FAM20B: variants seen among roughly 807,000 people sequenced by gnomAD.
FAM20B encodes the protein FAM20B glycosaminoglycan xylosylkinase, also known as glycosaminoglycan xylosylkinase.
FAM20B carries 23 observed loss-of-function variants against 43.8 expected under a neutral mutation model. That is an observed-to-expected ratio of 0.53 (90% CI 0.38 to 0.74). The LOEUF (loss-of-function observed/expected upper bound fraction) is 0.74, where lower values mean the gene tolerates loss of function less well. Ranked by LOEUF, FAM20B falls within the 30% of genes least tolerant of loss-of-function variation. FAM20B has a pLI of 0.00. For missense variants in FAM20B, 440 were observed against 510.5 expected, an observed-to-expected ratio of 0.86 and a Z score of 1.33; for synonymous variants, 178 against 192.4, an observed-to-expected ratio of 0.93 and a Z score of 0.62.
At chr1:179,049,838 G>C (rs1650927214) in intron 2 of FAM20B, among the ~76,000 whole-genome samples, 1 of 152,178 alleles carries the variant, frequency 6.6e-6, no homozygotes, top group South Asian at 2.1e-4. Flanking sequence ...CACCGTGCCT[G>C]GCCAGCAAAA....
upstream of FAM20B, among the ~76,000 whole-genome samples, chr1:179,023,027 C>G (rs1649632827): frequency 2.0e-5 from 3 of 152,174 alleles, no homozygotes; most frequent in Non-Finnish European, 2.9e-5. Context: ...AAGTGAGCCC[C>G]TTAGGTTGGA....
chr1:179,038,596 T>C (rs1650350844), intron 1 of FAM20B, among the ~76,000 whole-genome samples: 1 of 152,198 alleles, frequency 6.6e-6, no homozygotes, highest in Admixed American at 6.5e-5. Context: ...CATATTGCCT[T>C]TTATCTCTGC....
chr1:179,064,511 A>T lies in FAM20B; in HGVS notation c.938+15A>T. Reference sequence around the variant, plus strand: ...AATGCCAAAAGGTGAGACCAGCAGGACTGTCCTTGTCAGGGAGGGGTTTCT... The same window carrying T: ...AATGCCAAAAGGTGAGACCAGCAGGTCTGTCCTTGTCAGGGAGGGGTTTCT... On this transcript the variant is annotated intron_variant, in intron 6 of 7. Transcript: ENST00000263733. 6.3e-7 allele frequency: 1 copy of T among 1,598,410 alleles called. No individual in the cohort carries two copies. Among genetic ancestry groups the T allele is most frequent in the Non-Finnish European group, 8.6e-7 (1 of 1,167,386 alleles).
chr1:179,035,959 G>A (rs1281478699), intron 1 of FAM20B, among the ~76,000 whole-genome samples: 2 of 151,950 alleles, frequency 1.3e-5, no homozygotes, highest in Admixed American at 6.6e-5. Context: ...GAGAAACCCC[G>A]TCTCTACTAA....
intron 4 of FAM20B, among the ~76,000 whole-genome samples, chr1:179,055,398 CT>C (rs1056488406): frequency 2.0e-5 from 3 of 151,790 alleles, no homozygotes; most frequent in Non-Finnish European, 4.4e-5. Context: ...CTTCACCTTG[CT>C]TTTTTTTGCT....
intron 4 of FAM20B, among the ~76,000 whole-genome samples, chr1:179,059,005 A>C (rs373335161): frequency 6.6e-6 from 1 of 152,176 alleles, no homozygotes; most frequent in East Asian, 1.9e-4. Context: ...AAAGATAATG[A>C]ATTTAATCTT....
chr1:179,038,608 G>A (rs529999892), intron 1 of FAM20B, among the ~76,000 whole-genome samples: 2 of 152,310 alleles, frequency 1.3e-5, no homozygotes, highest in South Asian at 4.1e-4. Flanking sequence ...TATCTCTGCA[G>A]CCTGAGAAGT....
rs1335465883 is a variant in FAM20B at position 179,026,051 on chromosome 1, C to CGCACT, written c.-177_-176insTGCAC. ...GCGGCGGGGGCGGCCGGGGCCGCGCCGCACCGCACCGCGCGGGCGGCCATG... is the reference window on the plus strand; with the variant it reads ...GCGGCGGGGGCGGCCGGGGCCGCGCCGCACTGCACCGCACCGCGCGGGCGGCCATG... On this transcript the variant is annotated 5_prime_UTR_variant, in exon 1 of 8. Coordinates refer to ENST00000263733, the MANE Select transcript of FAM20B (RefSeq NM_014864.4). 1.7e-4 allele frequency: 24 copies of CGCACT among 143,290 alleles called. No individual in the cohort carries two copies. Among genetic ancestry groups the CGCACT allele is most frequent in the African/African-American group, 4.3e-4 (17 of 39,748 alleles). The allele number at this position is 143,290 out of a possible 1,614,324, so 8.9% of individuals were successfully genotyped here.
intron 1 of FAM20B, among the ~76,000 whole-genome samples, chr1:179,028,147 A>C (rs575934895): frequency 6.6e-6 from 1 of 152,336 alleles, no homozygotes; most frequent in African/African-American, 2.4e-5. Context: ...TCATTTCATT[A>C]GTGTAAAACC....
intron 1 of FAM20B, among the ~76,000 whole-genome samples, chr1:179,036,405 TTAAAA>T (rs1422699944): frequency 2.0e-5 from 3 of 152,212 alleles, no homozygotes; most frequent in Non-Finnish European, 2.9e-5. Context: ...AACAGAAACA[TTAAAA>T]TAAATGACCG....
rs953987684 is a variant in FAM20B, at chr1:179,075,675, G to T, written c.*3531G>T. On this transcript the variant is annotated 3_prime_UTR_variant, in exon 8 of 8. Transcript: ENST00000263733. ...ATGGAAGAATTCAGGTACATTAATTGCATATTATTTTGGGAAAGATGAGTC... is the reference window on the plus strand; with the variant it reads ...ATGGAAGAATTCAGGTACATTAATTTCATATTATTTTGGGAAAGATGAGTC... 2 of 152,400 alleles carry T rather than the reference G, an allele frequency of 1.3e-5. No homozygotes were observed. The highest frequency in any genetic ancestry group is 4.8e-5 in the African/African-American group (2 of 41,370). The allele number at this position is 152,400 out of a possible 1,614,324, so 9.4% of individuals were successfully genotyped here. A position where few individuals can be genotyped will look rare whatever the true frequency, so the allele number is the denominator to read the frequency against.
Position 179,037,479 on chromosome 1 carries a change from C to CTTTTTTT in FAM20B, c.-133-6221_-133-6215dup, listed in dbSNP as rs768903406. The stretch of plus-strand genomic sequence containing the variant: ...GCTTGCTTGCTTTCTGTATGTCGGT[C>CTTTTTTT]TTTTTTTTTTTTTTTTTTTTTGTGA... On this transcript the variant is annotated intron_variant, in intron 1 of 7. Coordinates refer to ENST00000263733, the MANE Select transcript of FAM20B (RefSeq NM_014864.4). 8.2e-3 allele frequency among the ~76,000 whole-genome samples: 724 copies of CTTTTTTT among 88,340 alleles called. 14 individuals are homozygous for CTTTTTTT. Among genetic ancestry groups the CTTTTTTT allele is most frequent in the African/African-American group, 0.011 (228 of 21,116 alleles). The allele number at this position is 88,340 out of a possible 152,430, so 58.0% of individuals were successfully genotyped here. A position where few individuals can be genotyped will look rare whatever the true frequency, so the allele number is the denominator to read the frequency against.
At chr1:179,041,686 GGGAGACGGGAGACGGGGAGGGAGACA>G (rs1353473424) in intron 1 of FAM20B, among the ~76,000 whole-genome samples, 15 of 147,900 alleles carry the variant, frequency 1.0e-4, no homozygotes, top group Non-Finnish European at 2.0e-4. Context: ...GAGAGGGAGA[GGGAGACGGGAGACGGGGAGGGAGACA>G]GGAGACGGGA....
intron 1 of FAM20B, among the ~76,000 whole-genome samples, chr1:179,040,352 G>A (rs1475037939): frequency 4.0e-5 from 6 of 151,338 alleles, no homozygotes; most frequent in Admixed American, 1.3e-4. Flanking sequence ...GTGGCCGGCC[G>A]GGCGGGGGGC....
At chr1:179,023,119 G>A (rs935569934), upstream of FAM20B, among the ~76,000 whole-genome samples, 2 of 152,294 alleles carry the variant, frequency 1.3e-5, no homozygotes, top group East Asian at 1.9e-4. Context: ...ATTGAATTCC[G>A]CAGGCCACGG....
At chr1:179,021,138 A>G (rs1209189168), upstream of FAM20B, among the ~76,000 whole-genome samples, 1 of 152,244 alleles carries the variant, frequency 6.6e-6, no homozygotes, top group Non-Finnish European at 1.5e-5. Flanking sequence ...TCGGCCAGCC[A>G]TGAGAAAGGC....
At chr1:179,032,368 C>G (rs1036504380) in intron 1 of FAM20B, among the ~76,000 whole-genome samples, 3 of 137,408 alleles carry the variant, frequency 2.2e-5, no homozygotes, top group Non-Finnish European at 4.5e-5. Context: ...GTCACCCAGG[C>G]TGGAATGCAG....
intron 2 of FAM20B, among the ~76,000 whole-genome samples, chr1:179,047,306 T>TCCGTTCTTCC (rs367704234): frequency 2.0e-5 from 3 of 152,162 alleles, no homozygotes; most frequent in African/African-American, 7.2e-5. Flanking sequence ...GGAAACCACT[T>TCCGTTCTTCC]CCGTTCTTCC....
intron 4 of FAM20B, among the ~76,000 whole-genome samples, chr1:179,058,854 T>G (rs1176640960): frequency 1.3e-5 from 2 of 152,152 alleles, no homozygotes; most frequent in Non-Finnish European, 2.9e-5. Context: ...GGTGAACATT[T>G]GGGCTGGGAG....
Sources: allele counts gnomAD v4.1 joint callset (sites outside exome capture counted in the v4.1 genomes callset), GRCh38; gene constraint gnomAD v4.1.1; transcripts MANE v1.5; gene names NCBI Gene and HGNC (gene_info 2026-07-23, HGNC 2026-07-21).